The following WDR49 variants were observed in gnomAD, a reference collection of about 807,000 sequenced individuals.
The protein encoded by WDR49 is cilia- and flagella-associated protein 337.
In WDR49, 107 loss-of-function variants were observed where a neutral mutation model predicts 119.5. The ratio of observed to expected loss-of-function variants is 0.90; its 90% CI spans 0.77 to 1.05. WDR49 has a LOEUF of 1.05. Among genes scored for constraint, WDR49 ranks in the 50% least tolerant of loss-of-function variants. The pLI, the probability that WDR49 is intolerant of heterozygous loss-of-function variation, is 0.00. For synonymous variants in WDR49, 425 were observed against 418.8 expected (o/e 1.01, Z -0.18); for missense variants, 1,240 against 1,220.5 (o/e 1.02, Z -0.24).
intron 8 of WDR49, among the ~76,000 whole-genome samples, chr3:167,564,455 C>T (rs1393829585): frequency 6.6e-6 from 1 of 152,232 alleles, no homozygotes; most frequent in Non-Finnish European, 1.5e-5. Flanking sequence ...GACAATGGAA[C>T]TATTTTTGGC....
At chr3:167,638,705 G>T (rs1285483386) in intron 2 of WDR49, among the ~76,000 whole-genome samples, 1 of 151,514 alleles carries the variant, frequency 6.6e-6, no homozygotes, top group Non-Finnish European at 1.5e-5. Context: ...GCTAGTCAAG[G>T]TCCATAGCGC....
At chr3:167,536,758 T>C (rs1753049678) in intron 11 of WDR49, 112 bp downstream of exon 11, 3 of 380,544 alleles carry the variant, frequency 7.9e-6, no homozygotes, top group East Asian at 9.0e-5. Flanking sequence ...TACATATACA[T>C]ATATATATAT....
intron 15 of WDR49, among the ~76,000 whole-genome samples, chr3:167,522,930 T>C (rs1420694036): frequency 1.3e-5 from 2 of 152,202 alleles, no homozygotes; most frequent in African/African-American, 2.4e-5. Flanking sequence ...TTTCTAAAAA[T>C]TATGTGTGTT....
chr3:167,587,979 T>C (rs1308824502), intron 7 of WDR49, among the ~76,000 whole-genome samples: 2 of 152,176 alleles, frequency 1.3e-5, no homozygotes, highest in African/African-American at 4.8e-5. Flanking sequence ...TTAGATATTG[T>C]AAATGTACAA....
At chr3:167,575,252 G>A (rs1389915136) in intron 8 of WDR49, 2 of 985,836 alleles carry the variant, frequency 2.0e-6, no homozygotes, top group Non-Finnish European at 2.4e-6. Flanking sequence ...GAGCTCACTG[G>A]CTTCACTGCC....
At chr3:167,489,917 C>T (rs2108197583) in intron 18 of WDR49, among the ~76,000 whole-genome samples, 1 of 152,206 alleles carries the variant, frequency 6.6e-6, no homozygotes, top group South Asian at 2.1e-4. Flanking sequence ...CTTATATGTG[C>T]ATAAGAATCA....
chr3:167,636,579 A>G (rs1717629912), intron 2 of WDR49, among the ~76,000 whole-genome samples: 2 of 151,714 alleles, frequency 1.3e-5, no homozygotes, highest in South Asian at 4.1e-4. Context: ...ACTGTTTTTC[A>G]CAGTGGTTGT....
chr3:167,608,507 C>CTA (rs1716171836), intron 5 of WDR49, among the ~76,000 whole-genome samples: 1 of 152,138 alleles, frequency 6.6e-6, no homozygotes, highest in Admixed American at 6.5e-5. Context: ...TGCAGTGCTA[C>CTA]ATATTGGAGG....
chr3:167,552,025 G>A (rs1297428938), intron 10 of WDR49, among the ~76,000 whole-genome samples: 1 of 151,912 alleles, frequency 6.6e-6, no homozygotes. Flanking sequence ...AATTTTGAGA[G>A]GGATTTCTAG....
At chr3:167,565,482 G>A (rs1180626410) in intron 8 of WDR49, among the ~76,000 whole-genome samples, 1 of 151,874 alleles carries the variant, frequency 6.6e-6, no homozygotes, top group Non-Finnish European at 1.5e-5. Context: ...GATGTTTGGT[G>A]GTAACAAAGG....
rs567845467 is a variant in WDR49 at position 167,493,341 on chromosome 3, T to C, written c.3031+6812A>G. ...CATGAACGGTTTTCCATAATATCCT[T>C]GGCAAGCAAGAGGCCAACTGTGTGA... is the stretch of plus-strand genomic sequence containing the variant. On this transcript the variant is annotated intron_variant, in intron 18 of 18. Coordinates refer to ENST00000682715, the MANE Select transcript of WDR49 (RefSeq NM_001366157.1). Among the ~76,000 whole-genome samples, 18 of 152,294 alleles carry C rather than the reference T, an allele frequency of 1.2e-4. No homozygotes were observed. In the South Asian group the frequency reaches 3.7e-3, roughly 32 times the overall value.
chr3:167,518,600 ATTTG>A (rs1311383294), intron 16 of WDR49, among the ~76,000 whole-genome samples: 2 of 151,462 alleles, frequency 1.3e-5, no homozygotes, highest in African/African-American at 4.8e-5. Context: ...TTTCTTGTAA[ATTTG>A]TTTGAGTTCA....
At chr3:167,632,250 C>T (rs1191706661) in intron 2 of WDR49, among the ~76,000 whole-genome samples, 1 of 151,892 alleles carries the variant, frequency 6.6e-6, no homozygotes, top group Non-Finnish European at 1.5e-5. Flanking sequence ...AGAAACTACT[C>T]GGACAAATAT....
chr3:167,624,340 C>T lies in WDR49; in HGVS notation c.606+2512G>A, dbSNP rs145487531. On this transcript the variant is annotated intron_variant, in intron 3 of 18. Transcript: ENST00000682715. ...TGGATAATTCTCAAAATAGTTATGC[C>T]ATGGTAAAAAAAAAAAGAAAAGAAA... Among the ~76,000 whole-genome samples the T allele has an allele frequency of 3.3e-4, 46 of 139,772 alleles. No homozygotes were observed. In the East Asian group the frequency reaches 3.9e-3, roughly 12 times the overall value. The allele number at this position is 139,772 out of a possible 152,430, so 91.7% of individuals were successfully genotyped here. A position where few individuals can be genotyped will look rare whatever the true frequency, so the allele number is the denominator to read the frequency against.
intron 8 of WDR49, among the ~76,000 whole-genome samples, chr3:167,572,673 C>T (rs1560292082): frequency 6.6e-6 from 1 of 152,150 alleles, no homozygotes; most frequent in Non-Finnish European, 1.5e-5. Context: ...AAAGGATCTT[C>T]CCCTCACACC....
At chr3:167,635,881 C>T (rs558778521) in intron 2 of WDR49, among the ~76,000 whole-genome samples, 20 of 151,800 alleles carry the variant, frequency 1.3e-4, no homozygotes, top group Non-Finnish European at 2.1e-4. Context: ...GTTAGGTATA[C>T]GTATTTGTTC....
In WDR49 at chr3:167,536,983, C is replaced by T. The variant is rs538758282; in HGVS notation, c.1841G>A (p.Arg614Gln). Residue 614 changes from arginine (R) to glutamine (Q), a missense_variant, in exon 11 of 19, where the codon CGA becomes CAA. Arg to Gln is a conservative substitution (Grantham distance 43). Transcript: ENST00000682715. ...KTIGRAITVF[R>Q]PQNFNQFFIQ... is the part of the protein sequence containing the mutation. ...GAAAAATTGATTGAAGTTTTGGGGT[C>T]GAAACACAGTAATAGCCCTAGCAAA... 3.1e-5 allele frequency: 49 copies of T among 1,585,426 alleles called. No individual in the cohort carries two copies. The highest frequency in any genetic ancestry group is 2.8e-5 in the Non-Finnish European group (33 of 1,166,258).
intron 16 of WDR49, among the ~76,000 whole-genome samples, chr3:167,508,333 C>T (rs970282661): frequency 3.9e-5 from 6 of 152,186 alleles, no homozygotes; most frequent in African/African-American, 1.4e-4. Context: ...GGCTGAATGC[C>T]TGCATTTGTA....
At chr3:167,520,162 G>C (rs957166591) in intron 16 of WDR49, among the ~76,000 whole-genome samples, 11 of 151,722 alleles carry the variant, frequency 7.3e-5, no homozygotes, top group Non-Finnish European at 1.2e-4. Flanking sequence ...TGGGAGGATT[G>C]ATTGAGCCAG....
Sources: gnomAD v4.1 joint callset for allele counts (sites outside exome capture counted in the v4.1 genomes callset) on GRCh38, gnomAD v4.1.1 for gene constraint, MANE v1.5 for transcripts, NCBI Gene and HGNC (gene_info 2026-07-23, HGNC 2026-07-21) for gene names.